PIK3C2B: variants seen among roughly 807,000 people sequenced by gnomAD.
PIK3C2B encodes phosphatidylinositol-4-phosphate 3-kinase catalytic subunit type 2 beta, also known as phosphatidylinositol 4-phosphate 3-kinase C2 domain-containing subunit beta.
In PIK3C2B, 83 loss-of-function variants were observed where a neutral mutation model predicts 184.3. The ratio of observed to expected loss-of-function variants is 0.45; its 90% CI spans 0.38 to 0.54. PIK3C2B has a LOEUF of 0.54. Among genes scored for constraint, PIK3C2B ranks in the 20% least tolerant of loss-of-function variants. PIK3C2B has a pLI of 0.00. For synonymous variants in PIK3C2B, 779 were observed against 837.6 expected, an observed-to-expected ratio of 0.93 and a Z score of 1.21; for missense variants, 1,736 against 2,113.5, an observed-to-expected ratio of 0.82 and a Z score of 3.50.
intron 30 of PIK3C2B, 127 bp downstream of exon 30, chr1:204,428,012 C>T (rs550040622): frequency 1.2e-4 from 78 of 659,080 alleles, no homozygotes; most frequent in Non-Finnish European, 1.9e-4. Context: ...CTAGATTTCC[C>T]AGAGAGTAAG....
chr1:204,478,408 G>A (rs1316491891), intron 1 of PIK3C2B, among the ~76,000 whole-genome samples: 1 of 152,120 alleles, frequency 6.6e-6, no homozygotes, highest in African/African-American at 2.4e-5. Flanking sequence ...CAGCAGGGAG[G>A]TGTATTAAGG....
At chr1:204,472,167 T>A (rs1023914605) in intron 1 of PIK3C2B, among the ~76,000 whole-genome samples, 2 of 7,434 alleles carry the variant, frequency 2.7e-4, no homozygotes, top group Non-Finnish European at 0.033. Context: ...CTGGGGGAAC[T>A]TTTTTTTTTT....
chr1:204,457,059 G>A lies in PIK3C2B; in HGVS notation c.1725C>T (p.Val575=), dbSNP rs1654931407. The change falls in exon 10 of 33, where the codon GTC becomes GTT. Residue 575 remains valine, a synonymous_variant. Coordinates refer to ENST00000684373, the MANE Select transcript of PIK3C2B (RefSeq NM_001377334.1). ...TACCTCGGTTTTCCCTCACAGCCAAGACACTGGGATCCTGTTGGGAAAAAG... is the reference window on the plus strand; with the variant it reads ...TACCTCGGTTTTCCCTCACAGCCAAAACACTGGGATCCTGTTGGGAAAAAG... ...MQPKIQKDPS[V]LAVRENREKV... is the part of the protein sequence containing the mutation. 6.4e-7 allele frequency: 1 copy of A among 1,565,774 alleles called. No individual in the cohort carries two copies. Among genetic ancestry groups the A allele is most frequent in the Non-Finnish European group, 8.7e-7 (1 of 1,153,794 alleles).
At chr1:204,425,093 TC>T in intron 32 of PIK3C2B, 53 bp from the exon 33 acceptor site, 1 of 1,479,348 alleles carries the variant, frequency 6.8e-7, no homozygotes, top group Non-Finnish European at 9.3e-7. Context: ...ACAAGAAGAA[TC>T]CAGAGGGAAC....
intron 12 of PIK3C2B, among the ~76,000 whole-genome samples, chr1:204,450,645 A>G (rs1654270743): frequency 1.3e-5 from 2 of 152,106 alleles, no homozygotes; most frequent in Non-Finnish European, 2.9e-5. Flanking sequence ...GGTTTCTCCA[A>G]GTACCCCAGT....
chr1:204,447,946 C>G lies in PIK3C2B; in HGVS notation c.2347-368G>C, dbSNP rs1654019319. On this transcript the variant is annotated intron_variant, in intron 14 of 32. Coordinates refer to ENST00000684373, the MANE Select transcript of PIK3C2B (RefSeq NM_001377334.1). This position sits in a 1 kb window ranked among gnomAD's most constrained non-coding sequence, Gnocchi z 4.1. The stretch of plus-strand genomic sequence containing the variant: ...GTGACTTCCATGGGGTGCCAGAGGA[C>G]ACTGCTGCCAGAGGGGAGGCAAGAC... 6.6e-6 allele frequency among the ~76,000 whole-genome samples: 1 copy of G among 152,050 alleles called. No individual in the cohort carries two copies. The highest frequency in any genetic ancestry group is 1.5e-5 in the Non-Finnish European group (1 of 68,016).
At position 204,464,699 on chromosome 1, in the gene PIK3C2B, C is replaced by A. The variant is rs141273864; in HGVS notation, c.1035-95G>T. The A allele has an allele frequency of 2.0e-4, 232 of 1,180,474 alleles. 1 individual carries two copies. The East Asian group carries it at 5.5e-3, about 28-fold the overall frequency. 73.1% of individuals were successfully genotyped at this position (1,180,474 alleles called of 1,614,324 possible). On this transcript the variant is annotated intron_variant, in intron 3 of 32. Coordinates refer to ENST00000684373, the MANE Select transcript of PIK3C2B (RefSeq NM_001377334.1). ...ACCTCATGCTCTGAGGCTCAAGAGC[C>A]CCTCTGTCCCCACTCAGCCCAGCCC...
intron 31 of PIK3C2B, among the ~76,000 whole-genome samples, chr1:204,426,015 G>T (rs1373178134): frequency 6.6e-6 from 1 of 152,204 alleles, no homozygotes; most frequent in East Asian, 1.9e-4. Context: ...AATGTGCTCT[G>T]TTTTGAGTGA....
At chr1:204,486,029 A>G (rs984678071) in intron 1 of PIK3C2B, among the ~76,000 whole-genome samples, 2 of 152,238 alleles carry the variant, frequency 1.3e-5, no homozygotes, top group Non-Finnish European at 2.9e-5. Flanking sequence ...TAGTGACTAG[A>G]ATAAAAATAA....
chr1:204,434,331 T>C (rs1160243756), intron 24 of PIK3C2B, 108 bp downstream of exon 24: 3 of 986,268 alleles, frequency 3.0e-6, no homozygotes, highest in African/African-American at 3.2e-5. Flanking sequence ...CCTGGGACCA[T>C]GATCTGAGGC....
intron 1 of PIK3C2B, among the ~76,000 whole-genome samples, chr1:204,480,254 C>G (rs1423025930): frequency 1.3e-5 from 2 of 152,210 alleles, no homozygotes; most frequent in Non-Finnish European, 2.9e-5. Context: ...CCAATTTGTT[C>G]AATTATAATG....
At chr1:204,428,298 T>C (rs1415851163) in intron 29 of PIK3C2B, 78 bp from the exon 30 acceptor site, 4 of 860,064 alleles carry the variant, frequency 4.7e-6, no homozygotes, top group Non-Finnish European at 7.7e-6. Flanking sequence ...CTGTTCCAGA[T>C]GTAAAAAGAC....
In PIK3C2B at chr1:204,469,408, T is replaced by C. The variant is rs1356632820; in HGVS notation, c.395A>G (p.Asp132Gly). 2.6e-6 allele frequency: 4 copies of C among 1,546,080 alleles called. No individual in the cohort carries two copies. The highest frequency in any genetic ancestry group is 3.5e-6 in the Non-Finnish European group (4 of 1,151,344). ...CGAAGAGACTCCCCCATCTGAACCA[T>C]CAAAAATGTAGAGATAGTCTCCAGA... ...SLSGDYLYIF[D>G]GSDGGVSSSP... The change falls in exon 2 of 33, where the codon GAT (aspartate) becomes GGT (glycine). Residue 132 changes from aspartate to glycine, a missense_variant. Asp to Gly is a moderately conservative substitution (Grantham distance 94). Transcript: ENST00000684373.
At chr1:204,454,272 G>T (rs1654624774) in intron 12 of PIK3C2B, among the ~76,000 whole-genome samples, 1 of 150,872 alleles carries the variant, frequency 6.6e-6, no homozygotes, top group Non-Finnish European at 1.5e-5. Flanking sequence ...CACGAGGTCA[G>T]GAGATCGAGA....
At chr1:204,450,916 G>A (rs905781308) in intron 12 of PIK3C2B, among the ~76,000 whole-genome samples, 4 of 152,190 alleles carry the variant, frequency 2.6e-5, no homozygotes, top group Admixed American at 2.0e-4. Flanking sequence ...CCAGCCCAGG[G>A]CCCAGCAACT....
chr1:204,434,268 C>T (rs945993742), intron 24 of PIK3C2B, among the ~76,000 whole-genome samples, 171 bp downstream of exon 24: 1 of 152,222 alleles, frequency 6.6e-6, no homozygotes, highest in Admixed American at 6.5e-5. Flanking sequence ...TCTGCAAGGC[C>T]CTGCAAGGAC....
In PIK3C2B at chr1:204,494,700, C is replaced by G. The variant is rs1376827431; in HGVS notation, c.-429G>C. ...GCAGCAGCGGGCGAGAGAGGGGAAG[C>G]CATCTCCCGGACACCCGGCGCACTG... On this transcript the variant is annotated 5_prime_UTR_variant, in exon 1 of 33. Transcript: ENST00000684373. 6.6e-6 allele frequency: 1 copy of G among 152,350 alleles called. No individual in the cohort carries two copies. Among genetic ancestry groups the G allele is most frequent in the African/African-American group, 2.4e-5 (1 of 41,462 alleles). The allele number at this position is 152,350 out of a possible 1,614,324, so 9.4% of individuals were successfully genotyped here. A position where few individuals can be genotyped will look rare whatever the true frequency, so the allele number is the denominator to read the frequency against.
intron 1 of PIK3C2B, among the ~76,000 whole-genome samples, chr1:204,487,301 G>A (rs116139971): frequency 0.022 from 3,295 of 152,182 alleles, 102 homozygotes; most frequent in African/African-American, 0.074. Context: ...GATAAATCTC[G>A]TTCCATTGCT....
In PIK3C2B at chr1:204,469,882, G is replaced by A; in HGVS notation, c.-80C>T. On this transcript the variant is annotated 5_prime_UTR_variant, in exon 2 of 33. Coordinates refer to ENST00000684373, the MANE Select transcript of PIK3C2B (RefSeq NM_001377334.1). The stretch of plus-strand genomic sequence containing the variant: ...CTGGAGGGTTGTGACATGGTGTCTG[G>A]GCGCCTGCAGGTGAGGGGTAAAAAT... 1 of 843,948 alleles carries A rather than the reference G, an allele frequency of 1.2e-6. No individual in the cohort carries two copies. The highest frequency in any genetic ancestry group is 2.0e-6 in the Non-Finnish European group (1 of 510,838). The allele number at this position is 843,948 out of a possible 1,614,324, so 52.3% of individuals were successfully genotyped here. A position where few individuals can be genotyped will look rare whatever the true frequency, so the allele number is the denominator to read the frequency against.
Sources: gnomAD v4.1 joint callset for allele counts (sites outside exome capture counted in the v4.1 genomes callset) on GRCh38, gnomAD v4.1.1 for gene constraint, Gnocchi (gnomAD v3.1) non-coding constraint, MANE v1.5 for transcripts, NCBI Gene and HGNC (gene_info 2026-07-23, HGNC 2026-07-21) for gene names.